SPIN1: variants seen among roughly 807,000 people sequenced by gnomAD.
The protein encoded by SPIN1 is spindlin-1.
Under a neutral mutation model 26.0 loss-of-function variants are expected in SPIN1, and 3 were observed. The ratio of observed to expected loss-of-function variants is 0.12; its 90% CI spans 0.05 to 0.30. SPIN1 has a LOEUF of 0.30. SPIN1 is among the 10% of genes least tolerant of loss of function. The probability of loss-of-function intolerance (pLI) is 1.00; values close to 1 mark genes in which losing one functional copy is unlikely to be tolerated. For synonymous variants in SPIN1, 101 were observed against 116.5 expected (o/e 0.87, Z 0.86); for missense variants, 126 against 333.4 (o/e 0.38, Z 4.84).
chr9:88,416,993 C>G (rs1827579945), intron 1 of SPIN1, among the ~76,000 whole-genome samples: 1 of 152,220 alleles, frequency 6.6e-6, no homozygotes, highest in South Asian at 2.1e-4. Flanking sequence ...TACCTGATAT[C>G]AAGATTTTAA....
intron 2 of SPIN1, among the ~76,000 whole-genome samples, chr9:88,437,318 C>A (rs929660799): frequency 3.3e-5 from 5 of 151,640 alleles, no homozygotes; most frequent in Non-Finnish European, 7.4e-5. Context: ...GGCAACATGG[C>A]AAAACCCTAT....
intron 1 of SPIN1, among the ~76,000 whole-genome samples, chr9:88,401,879 T>G (rs967848412): frequency 1.3e-5 from 2 of 152,246 alleles, no homozygotes; most frequent in African/African-American, 2.4e-5. Flanking sequence ...TCTTTTCCTT[T>G]TATTAATACA....
intron 2 of SPIN1, among the ~76,000 whole-genome samples, chr9:88,445,706 C>T (rs1828238124): frequency 6.6e-6 from 1 of 150,800 alleles, no homozygotes; most frequent in African/African-American, 2.4e-5. Flanking sequence ...TTTTTTTTTC[C>T]CCCCGTATTT....
At chr9:88,430,365 A>T (rs1587793368) in intron 2 of SPIN1, among the ~76,000 whole-genome samples, 1 of 152,320 alleles carries the variant, frequency 6.6e-6, no homozygotes, top group South Asian at 2.1e-4. Flanking sequence ...AAACTGTCAC[A>T]GCTGTGTGGC....
intron 1 of SPIN1, among the ~76,000 whole-genome samples, chr9:88,405,536 CTTTTTT>C (rs757565862): frequency 2.7e-4 from 30 of 110,730 alleles, no homozygotes; most frequent in African/African-American, 9.8e-4. Flanking sequence ...CTGTACTATC[CTTTTTT>C]TTTTTTTTTT....
rs1476254779 is a variant in SPIN1, at chr9:88,471,683, AATCAGTTGACCAC to A, written c.589+3080_589+3092del. Among the ~76,000 whole-genome samples the A allele has an allele frequency of 2.6e-5, 4 of 151,188 alleles. No homozygotes were observed. The East Asian group carries it at 7.8e-4, about 29-fold the overall frequency. ...AAAAAAAAAAAAAAAAAAAAAAGAA[AATCAGTTGACCAC>A]AGATACGTGGGTGTGTTTCTGGACT... On this transcript the variant is annotated intron_variant, in intron 5 of 5. Coordinates refer to ENST00000375859, the MANE Select transcript of SPIN1 (RefSeq NM_006717.3).
intron 5 of SPIN1, among the ~76,000 whole-genome samples, chr9:88,473,221 C>T (rs1172866321): frequency 6.7e-6 from 1 of 149,478 alleles, no homozygotes; most frequent in Non-Finnish European, 1.5e-5. Context: ...GGTGAAACCC[C>T]GTCTCTACTA....
intron 2 of SPIN1, among the ~76,000 whole-genome samples, chr9:88,428,084 C>T (rs959630536): frequency 6.6e-6 from 1 of 152,162 alleles, no homozygotes; most frequent in African/African-American, 2.4e-5. Context: ...CTGGTGAAAC[C>T]TCCCAGGTCT....
intron 2 of SPIN1, among the ~76,000 whole-genome samples, chr9:88,447,396 T>G (rs1329083098): frequency 1.3e-5 from 2 of 152,198 alleles, no homozygotes; most frequent in African/African-American, 4.8e-5. Flanking sequence ...TGTCTAATAA[T>G]TTTTGTTGGT....
intron 1 of SPIN1, chr9:88,410,899 A>C: frequency 1.0e-6 from 1 of 985,998 alleles, no homozygotes; most frequent in South Asian, 1.3e-5. Context: ...TGGATGAAGC[A>C]CTAGCCATCT....
intron 3 of SPIN1, among the ~76,000 whole-genome samples, chr9:88,455,176 T>C (rs895278637): frequency 6.6e-6 from 1 of 152,324 alleles, no homozygotes; most frequent in South Asian, 2.1e-4. Context: ...AATTAAAAAT[T>C]GTGTTCTGCC....
intron 2 of SPIN1, among the ~76,000 whole-genome samples, chr9:88,435,677 G>A (rs1309057169): frequency 2.0e-5 from 3 of 152,010 alleles, no homozygotes; most frequent in Admixed American, 1.3e-4. Flanking sequence ...CTTGCATAAG[G>A]TTTTTTTACA....
intron 1 of SPIN1, among the ~76,000 whole-genome samples, chr9:88,411,715 G>C (rs896331814): frequency 6.6e-6 from 1 of 151,976 alleles, no homozygotes; most frequent in African/African-American, 2.4e-5. Flanking sequence ...AGATCACCCT[G>C]TGTTGCTCAG....
At chr9:88,467,042 T>C (rs1362006925) in intron 4 of SPIN1, among the ~76,000 whole-genome samples, 1 of 144,042 alleles carries the variant, frequency 6.9e-6, no homozygotes, top group African/African-American at 2.9e-5. Context: ...TGTCTCTAAT[T>C]GTTTGTTTGT....
intron 2 of SPIN1, among the ~76,000 whole-genome samples, chr9:88,430,579 C>T (rs7856290): frequency 0.066 from 10,064 of 152,098 alleles, 1,088 homozygotes; most frequent in African/African-American, 0.23. Flanking sequence ...CTGCCATGAC[C>T]CCCAGTACCT....
intron 3 of SPIN1, among the ~76,000 whole-genome samples, chr9:88,450,223 A>C (rs1828329543): frequency 6.6e-6 from 1 of 152,172 alleles, no homozygotes; most frequent in Non-Finnish European, 1.5e-5. Context: ...GCCACAAATA[A>C]AACATAACAA....
intron 4 of SPIN1, 56 bp from the exon 5 acceptor site, chr9:88,468,316 A>G: frequency 7.7e-7 from 1 of 1,299,610 alleles, no homozygotes. Context: ...CAGTCTTCAT[A>G]GTCGGTAATC....
At chr9:88,474,781 T>A (rs796538052) in intron 5 of SPIN1, among the ~76,000 whole-genome samples, 1 of 152,138 alleles carries the variant, frequency 6.6e-6, no homozygotes, top group Admixed American at 6.6e-5. Flanking sequence ...AAAAAAAGTT[T>A]TATTATTGGA....
intron 1 of SPIN1, among the ~76,000 whole-genome samples, chr9:88,419,208 GCTCATTCTGATTACCTGCTCCACCCTGA>G (rs1408799586): frequency 2.0e-5 from 3 of 151,928 alleles, no homozygotes; most frequent in South Asian, 4.2e-4. Flanking sequence ...CTCCACCCTG[GCTCATTCTGATTACCTGCTCCACCCTGA>G]CTCATTCTCC....
Sources: allele counts gnomAD v4.1 joint callset (sites outside exome capture counted in the v4.1 genomes callset), GRCh38; gene constraint gnomAD v4.1.1; transcripts MANE v1.5; gene names NCBI Gene and HGNC (gene_info 2026-07-23, HGNC 2026-07-21).